ADD3: variants seen among roughly 807,000 people sequenced by gnomAD.
ADD3 encodes adducin 3, also known as gamma-adducin.
In ADD3, 25 loss-of-function variants were observed where a neutral mutation model predicts 80.2. The observed-to-expected ratio is 0.31, with a 90% CI of 0.23 to 0.44. The LOEUF (loss-of-function observed/expected upper bound fraction) is 0.44, where lower values mean the gene tolerates loss of function less well. Ranked by LOEUF, ADD3 falls within the 20% of genes least tolerant of loss-of-function variation. The pLI, the probability that ADD3 is intolerant of heterozygous loss-of-function variation, is 1.00. For synonymous variants in ADD3, 284 were observed against 289.6 expected (o/e 0.98, Z 0.20); for missense variants, 829 against 847.5 (o/e 0.98, Z 0.27).
intron 1 of ADD3, among the ~76,000 whole-genome samples, chr10:110,092,810 T>G (rs532351926): frequency 6.6e-6 from 1 of 152,250 alleles, no homozygotes; most frequent in South Asian, 2.1e-4. Flanking sequence ...TCAGTTTTCT[T>G]ATCTATAAAG....
In ADD3 at chr10:110,133,637, T is replaced by A; in HGVS notation, c.*19T>A. On this transcript the variant is annotated 3_prime_UTR_variant, in exon 15 of 15. Coordinates refer to ENST00000356080, the MANE Select transcript of ADD3 (RefSeq NM_016824.5). ...GGCCTAAATAAAGTCTTTTTATAATTATTATTATAACAATGTGACATTGCA... is the reference window on the plus strand; with the variant it reads ...GGCCTAAATAAAGTCTTTTTATAATAATTATTATAACAATGTGACATTGCA... The A allele has an allele frequency of 6.6e-7, 1 of 1,509,580 alleles. No individual in the cohort carries two copies. The highest frequency in any genetic ancestry group is 8.9e-7 in the Non-Finnish European group (1 of 1,122,508). 93.5% of individuals were successfully genotyped at this position (1,509,580 alleles called of 1,614,324 possible). A position where few individuals can be genotyped will look rare whatever the true frequency, so the allele number is the denominator to read the frequency against.
chr10:110,121,102 T>C (rs1170183206), intron 8 of ADD3, among the ~76,000 whole-genome samples: 1 of 152,062 alleles, frequency 6.6e-6, no homozygotes, highest in Non-Finnish European at 1.5e-5. Context: ...AAGGACTTCA[T>C]GTCCAAAACA....
intron 1 of ADD3, among the ~76,000 whole-genome samples, chr10:110,035,262 T>C (rs558469611): frequency 1.3e-4 from 20 of 152,354 alleles, no homozygotes; most frequent in African/African-American, 4.8e-4. Flanking sequence ...CTCATCATTA[T>C]GTCAGCGCCC....
At chr10:110,012,447 G>A (rs886141232) in intron 1 of ADD3, among the ~76,000 whole-genome samples, 1 of 152,216 alleles carries the variant, frequency 6.6e-6, no homozygotes, top group Non-Finnish European at 1.5e-5. Context: ...GGTTGAGTAT[G>A]TTTGAAAAGC....
At chr10:110,032,523 A>G (rs1002484036) in intron 1 of ADD3, among the ~76,000 whole-genome samples, 2 of 152,234 alleles carry the variant, frequency 1.3e-5, no homozygotes, top group Admixed American at 6.5e-5. Context: ...CAGAGTGCAT[A>G]GTATTTGTAC....
chr10:110,036,193 T>C (rs990216995), intron 1 of ADD3, among the ~76,000 whole-genome samples: 3 of 152,050 alleles, frequency 2.0e-5, no homozygotes, highest in Non-Finnish European at 2.9e-5. Flanking sequence ...TGGACTGTCC[T>C]GGAAGCTCTT....
chr10:110,022,116 G>A (rs981758142), intron 1 of ADD3, among the ~76,000 whole-genome samples: 7 of 152,066 alleles, frequency 4.6e-5, no homozygotes, highest in African/African-American at 1.7e-4. Context: ...TGTGATACTT[G>A]ATAACTCAGG....
chr10:110,114,879 A>G (rs1198101582), intron 3 of ADD3, among the ~76,000 whole-genome samples: 1 of 151,964 alleles, frequency 6.6e-6, no homozygotes, highest in East Asian at 1.9e-4. Context: ...GGAGTTCAAG[A>G]CCAGCCTGGG....
chr10:110,123,411 C>CAGAT (rs112519854), intron 9 of ADD3, among the ~76,000 whole-genome samples: 21,677 of 152,026 alleles, frequency 0.14, 4,986 homozygotes, highest in African/African-American at 0.49. Flanking sequence ...GCGATTCTAA[C>CAGAT]AGGACATGCC....
At chr10:110,069,535 T>C (rs1372499826) in intron 1 of ADD3, among the ~76,000 whole-genome samples, 1 of 152,152 alleles carries the variant, frequency 6.6e-6, no homozygotes, top group Admixed American at 6.6e-5. Flanking sequence ...ACATAATGCT[T>C]ATTAGTTGTG....
At chr10:110,067,767 T>C (rs1019292907) in intron 1 of ADD3, among the ~76,000 whole-genome samples, 1 of 152,336 alleles carries the variant, frequency 6.6e-6, no homozygotes, top group South Asian at 2.1e-4. Context: ...TGGGTTTACA[T>C]AGAGTTTATA....
At chr10:110,002,448 G>A (rs910996785), upstream of ADD3, among the ~76,000 whole-genome samples, 1 of 151,900 alleles carries the variant, frequency 6.6e-6, no homozygotes, top group Non-Finnish European at 1.5e-5. Context: ...CTAATTTTTT[G>A]TATTTTTAGT....
chr10:110,016,728 A>AGTAGATTTT (rs1853046716), intron 1 of ADD3: 1 of 152,120 alleles, frequency 6.6e-6, no homozygotes, highest in Admixed American at 6.5e-5. Flanking sequence ...ACTGTTTCAA[A>AGTAGATTTT]GTAGATTTTG....
intron 1 of ADD3, among the ~76,000 whole-genome samples, chr10:110,078,481 A>G (rs1845636570): frequency 6.6e-6 from 1 of 152,206 alleles, no homozygotes; most frequent in South Asian, 2.1e-4. Flanking sequence ...TTTGAAATTT[A>G]CTTTTTAATA....
At chr10:110,014,302 G>A (rs563379404) in intron 1 of ADD3, among the ~76,000 whole-genome samples, 1 of 152,166 alleles carries the variant, frequency 6.6e-6, no homozygotes, top group South Asian at 2.1e-4. Flanking sequence ...AATATCTAAG[G>A]AGGTGGTTGG....
intron 1 of ADD3, among the ~76,000 whole-genome samples, chr10:110,055,147 C>T (rs1048137095): frequency 1.3e-5 from 2 of 152,134 alleles, no homozygotes; most frequent in Non-Finnish European, 2.9e-5. Context: ...GCTAAAATAT[C>T]AGACAAGAAA....
intron 1 of ADD3, among the ~76,000 whole-genome samples, chr10:110,010,375 T>A (rs987545132): frequency 9.2e-5 from 14 of 152,148 alleles, no homozygotes; most frequent in African/African-American, 2.7e-4. Flanking sequence ...GTATAAGAAG[T>A]GTTTGAGGGA....
intron 1 of ADD3, among the ~76,000 whole-genome samples, chr10:110,093,746 A>G (rs1478206723): frequency 6.6e-6 from 1 of 151,618 alleles, no homozygotes; most frequent in African/African-American, 2.4e-5. Context: ...ATCTCCTAAT[A>G]CTCTTTGTCT....
intron 10 of ADD3, among the ~76,000 whole-genome samples, chr10:110,124,826 A>G (rs1851941779): frequency 6.6e-6 from 1 of 152,284 alleles, no homozygotes; most frequent in African/African-American, 2.4e-5. Flanking sequence ...ATACCACCAA[A>G]CATTCTCTAG....
Sources: allele counts gnomAD v4.1 joint callset (sites outside exome capture counted in the v4.1 genomes callset), GRCh38; gene constraint gnomAD v4.1.1; transcripts MANE v1.5; gene names NCBI Gene and HGNC (gene_info 2026-07-23, HGNC 2026-07-21).